Variants in FBXL2 observed in about 807,000 individuals in gnomAD.
FBXL2 encodes F-box and leucine rich repeat protein 2.
A neutral mutation model predicts 69.2 loss-of-function variants in FBXL2; 38 were observed. The ratio of observed to expected loss-of-function variants is 0.55; its 90% CI spans 0.42 to 0.72. The LOEUF (loss-of-function observed/expected upper bound fraction) is 0.72, where lower values mean the gene tolerates loss of function less well. Ranked by LOEUF, FBXL2 falls within the 30% of genes least tolerant of loss-of-function variation. The probability of loss-of-function intolerance (pLI) is 0.00; values close to 1 mark genes in which losing one functional copy is unlikely to be tolerated. For missense variants in FBXL2, 354 were observed against 520.3 expected (o/e 0.68, Z 3.11); for synonymous variants, 192 against 201.3 (o/e 0.95, Z 0.39).
At chr3:33,330,918 C>A (rs990203471) in intron 2 of FBXL2, among the ~76,000 whole-genome samples, 1 of 123,928 alleles carries the variant, frequency 8.1e-6, no homozygotes, top group East Asian at 2.4e-4. Flanking sequence ...CACACAAACA[C>A]ACACACACAC....
chr3:33,331,710 A>T (rs2039180596), intron 2 of FBXL2, among the ~76,000 whole-genome samples: 1 of 152,184 alleles, frequency 6.6e-6, no homozygotes, highest in African/African-American at 2.4e-5. Flanking sequence ...TCCACACCTC[A>T]CTAATCGGAT....
At chr3:33,375,181 C>A in intron 9 of FBXL2, 107 bp from the exon 10 acceptor site, 1 of 1,360,164 alleles carries the variant, frequency 7.4e-7, no homozygotes, top group Non-Finnish European at 1.0e-6. Flanking sequence ...GGATAAAATG[C>A]TAGTAATCAG....
chr3:33,400,664 G>A (rs540971871), intron 12 of FBXL2, among the ~76,000 whole-genome samples: 79 of 152,260 alleles, frequency 5.2e-4, no homozygotes, highest in African/African-American at 1.7e-3. Flanking sequence ...AACAGAGACC[G>A]GGAAGAATGG....
intron 2 of FBXL2, among the ~76,000 whole-genome samples, chr3:33,349,475 C>T (rs1434826305): frequency 6.6e-6 from 1 of 152,126 alleles, no homozygotes; most frequent in Non-Finnish European, 1.5e-5. Context: ...GATGAATGAT[C>T]ATTTTAATGT....
rs1332551043 is a variant in FBXL2, at chr3:33,375,333, C to T, written c.703C>T (p.Arg235Trp). The change falls in exon 10 of 15, where the codon CGG becomes TGG. Residue 235 changes from arginine (R) to tryptophan (W), a missense_variant. Transcript: ENST00000484457. Reference sequence around the variant, plus strand: ...GGTGCAGATATGCAGGGGCTGTCACCGGCTACAGGCTCTCTGCCTTTCGGG... The same window carrying T: ...GGTGCAGATATGCAGGGGCTGTCACTGGCTACAGGCTCTCTGCCTTTCGGG... Reference protein sequence around the residue: ...GVVQICRGCHRLQALCLSGCS... With the variant: ...GVVQICRGCHWLQALCLSGCS... 1.9e-6 allele frequency: 3 copies of T among 1,614,178 alleles called. No homozygotes were observed. The highest frequency in any genetic ancestry group is 2.5e-6 in the Non-Finnish European group (3 of 1,180,018).
At chr3:33,358,905 G>T in intron 2 of FBXL2, 62 bp from the exon 3 acceptor site, 1 of 1,090,912 alleles carries the variant, frequency 9.2e-7, no homozygotes, top group Non-Finnish European at 1.3e-6. Flanking sequence ...TATCTTTCAA[G>T]TTATAATTAT....
At chr3:33,415,854 T>C in the FBXL2 span, among the ~76,000 whole-genome samples, 1 of 152,182 alleles carries the variant, frequency 6.6e-6, no homozygotes. Context: ...AAAGCACCTT[T>C]GGTAACCCAT....
downstream of FBXL2, chr3:33,392,659 G>T (rs750153873): frequency 1.4e-5 from 21 of 1,537,636 alleles, no homozygotes; most frequent in African/African-American, 2.8e-5. Context: ...AGATCCAACT[G>T]TCGTTTCTTA....
At chr3:33,367,341 C>T (rs1156678722) in intron 5 of FBXL2, among the ~76,000 whole-genome samples, 3 of 152,154 alleles carry the variant, frequency 2.0e-5, no homozygotes, top group Admixed American at 6.5e-5. Flanking sequence ...CTCGGCCTCC[C>T]AAAGTGCTGG....
intron 12 of FBXL2, chr3:33,403,199 T>TTC: frequency 3.3e-6 from 1 of 300,832 alleles, no homozygotes; most frequent in East Asian, 1.2e-4. Context: ...TTGAAGAGCT[T>TTC]TCTCCTCCCT....
At chr3:33,336,383 A>C (rs2039579031) in intron 2 of FBXL2, among the ~76,000 whole-genome samples, 1 of 152,212 alleles carries the variant, frequency 6.6e-6, no homozygotes, top group African/African-American at 2.4e-5. Context: ...TTGAAAAAAA[A>C]CATGGAAAAG....
At chr3:33,400,201 A>G in intron 12 of FBXL2, 1 of 1,589,038 alleles carries the variant, frequency 6.3e-7, no homozygotes, top group Non-Finnish European at 8.5e-7. Context: ...GAAAAATTAG[A>G]GAACAGTCTT....
downstream of FBXL2, among the ~76,000 whole-genome samples, chr3:33,405,632 G>C (rs1354338595): frequency 1.3e-5 from 2 of 152,106 alleles, no homozygotes; most frequent in African/African-American, 4.8e-5. Flanking sequence ...TTGGGGATCA[G>C]CCTGAGGAAC....
chr3:33,300,117 C>A (rs2036136006), intron 2 of FBXL2, among the ~76,000 whole-genome samples: 1 of 152,078 alleles, frequency 6.6e-6, no homozygotes, highest in South Asian at 2.1e-4. Flanking sequence ...CCATGTTGGT[C>A]ACTAAACATT....
At chr3:33,395,808 TAAGCTGCCA>T (rs2043967977) in intron 12 of FBXL2, among the ~76,000 whole-genome samples, 1 of 146,214 alleles carries the variant, frequency 6.8e-6, no homozygotes, top group Non-Finnish European at 1.5e-5. Flanking sequence ...GCTTTTTTGT[TAAGCTGCCA>T]GTGTTATATT....
At chr3:33,342,350 A>C (rs2040093294) in intron 2 of FBXL2, among the ~76,000 whole-genome samples, 1 of 151,270 alleles carries the variant, frequency 6.6e-6, no homozygotes, top group African/African-American at 2.4e-5. Context: ...AGGAAGATTT[A>C]AAATATATAT....
intron 2 of FBXL2, among the ~76,000 whole-genome samples, chr3:33,320,443 A>G (rs2038093994): frequency 6.6e-6 from 1 of 152,172 alleles, no homozygotes; most frequent in Non-Finnish European, 1.5e-5. Flanking sequence ...AAACATTTAG[A>G]AAAAGTATTG....
chr3:33,304,737 G>T (rs939132190), intron 2 of FBXL2, among the ~76,000 whole-genome samples: 1 of 151,894 alleles, frequency 6.6e-6, no homozygotes, highest in Non-Finnish European at 1.5e-5. Flanking sequence ...TTCCAAAGAG[G>T]TCTTACCAGT....
At chr3:33,357,524 A>T (rs1239218597) in intron 2 of FBXL2, among the ~76,000 whole-genome samples, 1 of 135,808 alleles carries the variant, frequency 7.4e-6, no homozygotes, top group African/African-American at 2.7e-5. Context: ...ACAAAGATCC[A>T]CTGAGTCTTT....
Sources: gnomAD v4.1 joint callset for allele counts (sites outside exome capture counted in the v4.1 genomes callset) on GRCh38, gnomAD v4.1.1 for gene constraint, MANE v1.5 for transcripts, NCBI Gene and HGNC (gene_info 2026-07-23, HGNC 2026-07-21) for gene names.